Variants in MIA2 observed in about 807,000 individuals in gnomAD.
The protein encoded by MIA2 is MIA SH3 domain ER export factor 2.
A neutral mutation model predicts 167.8 loss-of-function variants in MIA2; 127 were observed. The ratio of observed to expected loss-of-function variants is 0.76; its 90% confidence interval spans 0.66 to 0.88. The LOEUF (loss-of-function observed/expected upper bound fraction) is 0.88. Ranked by LOEUF, MIA2 falls within the 40% of genes least tolerant of loss-of-function variation. MIA2 has a pLI of 0.00. For synonymous variants in MIA2, 552 were observed against 541.9 expected, an observed-to-expected ratio of 1.02 and a Z score of -0.26; for missense variants, 1,690 against 1,624.7, an observed-to-expected ratio of 1.04 and a Z score of -0.69.
chr14:39,292,625 T>G (rs919838594), intron 10 of MIA2: 1 of 271,828 alleles, frequency 3.7e-6, no homozygotes, highest in African/African-American at 2.3e-5. Flanking sequence ...TTTTTGCTTT[T>G]ATTTTGGCCT....
At chr14:39,334,373 GC>G (rs1385405376) in intron 25 of MIA2, among the ~76,000 whole-genome samples, 1 of 149,126 alleles carries the variant, frequency 6.7e-6, no homozygotes, top group Admixed American at 6.8e-5. Context: ...TACTCGGGAG[GC>G]TGAGGCAGGA....
In MIA2 at chr14:39,247,389, C is replaced by T. The variant is rs900829298; in HGVS notation, c.815C>T (p.Pro272Leu). ...NDLEELNNGE[P>L]QTEHQQESES... is the part of the protein sequence containing the mutation. ...CTAGAGGAATTAAATAATGGTGAGCCTCAAACAGAACATCAGCAAGAATCT... is the reference window on the plus strand; with the variant it reads ...CTAGAGGAATTAAATAATGGTGAGCTTCAAACAGAACATCAGCAAGAATCT... The change falls in exon 4 of 29, where the codon CCT becomes CTT. Residue 272 changes from proline to leucine, a missense_variant. Pro to Leu is a moderately conservative substitution (Grantham distance 98, BLOSUM62 -3). Transcript: ENST00000640607. 6.8e-6 allele frequency: 11 copies of T among 1,613,890 alleles called. No individual in the cohort carries two copies. Among genetic ancestry groups the T allele is most frequent in the Non-Finnish European group, 9.3e-6 (11 of 1,180,000 alleles).
At chr14:39,236,647 C>T (rs1308584345) in intron 1 of MIA2, among the ~76,000 whole-genome samples, 1 of 152,152 alleles carries the variant, frequency 6.6e-6, no homozygotes, top group East Asian at 1.9e-4. Flanking sequence ...GATAAACAAA[C>T]TTGAGTGTAG....
intron 6 of MIA2, among the ~76,000 whole-genome samples, chr14:39,270,522 G>GT (rs1555353109): frequency 1.3e-5 from 2 of 151,408 alleles, no homozygotes; most frequent in African/African-American, 2.4e-5. Flanking sequence ...TGTTGTTGTT[G>GT]TTGTTTGTTT....
At chr14:39,342,977 C>T (rs1394495416) in intron 25 of MIA2, among the ~76,000 whole-genome samples, 2 of 152,052 alleles carry the variant, frequency 1.3e-5, no homozygotes, top group Admixed American at 6.5e-5. Context: ...GTATAAGAAA[C>T]CACAAAATGT....
chr14:39,346,195 A>G (rs1480918209), intron 26 of MIA2, among the ~76,000 whole-genome samples, 169 bp downstream of exon 26: 2 of 152,242 alleles, frequency 1.3e-5, no homozygotes, highest in African/African-American at 2.4e-5. Flanking sequence ...GTACACAGAC[A>G]TGGCATCCAA....
At chr14:39,269,196 T>G in intron 6 of MIA2, 1 of 423,410 alleles carries the variant, frequency 2.4e-6, no homozygotes, top group Non-Finnish European at 3.2e-6. Context: ...TGTATTGAGA[T>G]ATATTCACAC....
At chr14:39,312,067 A>G (rs113082486) in intron 18 of MIA2, among the ~76,000 whole-genome samples, 2,857 of 151,914 alleles carry the variant, frequency 0.019, 101 homozygotes, top group African/African-American at 0.066. Context: ...TGACCTCATG[A>G]TCTGCCCACC....
At chr14:39,325,794 A>C (rs1048709592) in intron 24 of MIA2, among the ~76,000 whole-genome samples, 6 of 150,264 alleles carry the variant, frequency 4.0e-5, no homozygotes, top group African/African-American at 1.5e-4. Flanking sequence ...GCTCACTGCA[A>C]CCTCCACCTC....
In MIA2 at chr14:39,350,202, G is replaced by C; in HGVS notation, c.4177G>C (p.Gly1393Arg). The C allele has an allele frequency of 6.6e-7, 1 of 1,513,610 alleles. No homozygotes were observed. The highest frequency in any genetic ancestry group is 8.9e-7 in the Non-Finnish European group (1 of 1,122,560). The allele number at this position is 1,513,610 out of a possible 1,614,324, so 93.8% of individuals were successfully genotyped here. ...TGAAGGTAGAAGTGAGTTCCCCTCA[G>C]GTTTGATTCCACCTTCAAATGAGCC... ...HSEGRSEFPS[G>R]LIPPSNEPAT... The change falls in exon 29 of 29, where the codon GGT (glycine) becomes CGT (arginine). Residue 1393 changes from glycine (G) to arginine (R), a missense_variant. Gly to Arg is a moderately radical substitution (Grantham distance 125, BLOSUM62 -2). Coordinates refer to ENST00000640607, the MANE Select transcript of MIA2 (RefSeq NM_001329214.4).
chr14:39,363,702 G>A (rs1398901036), intron 23 of MIA2, among the ~76,000 whole-genome samples: 2 of 152,096 alleles, frequency 1.3e-5, no homozygotes, highest in Non-Finnish European at 2.9e-5. Context: ...TCATTGTTGG[G>A]TACATATGTA....
intron 23 of MIA2, among the ~76,000 whole-genome samples, chr14:39,380,421 G>A (rs1273266642): frequency 6.6e-6 from 1 of 152,130 alleles, no homozygotes; most frequent in African/African-American, 2.4e-5. Context: ...ATGCTGGAGT[G>A]CTGTGGCTCA....
intron 25 of MIA2, among the ~76,000 whole-genome samples, chr14:39,337,110 A>C (rs1476235559): frequency 6.6e-6 from 1 of 152,204 alleles, no homozygotes; most frequent in Non-Finnish European, 1.5e-5. Context: ...TATATTATAT[A>C]GTGACATAAC....
chr14:39,323,989 A>T lies in MIA2; in HGVS notation c.3497-2875A>T, dbSNP rs564498753. ...AGTTTCTATGATCCACCAAAGGAGG[A>T]TGGAGAGTACCTGTTATTTTTCCTT... On this transcript the variant is annotated intron_variant, in intron 24 of 28. Coordinates refer to ENST00000640607, the MANE Select transcript of MIA2 (RefSeq NM_001329214.4). 3.9e-5 allele frequency among the ~76,000 whole-genome samples: 6 copies of T among 152,344 alleles called. No homozygotes were observed. In the South Asian group the frequency reaches 1.0e-3, roughly 26 times the overall value.
chr14:39,245,285 G>A lies in MIA2; in HGVS notation c.337-1626G>A, dbSNP rs1187334442. On this transcript the variant is annotated intron_variant, in intron 3 of 28. Coordinates refer to ENST00000640607, the MANE Select transcript of MIA2 (RefSeq NM_001329214.4). ...AAGGTTTTCATGCTTTAGAGCAGAGGTGTCCAATCTTTTGGTTTCCCTGGG... is the reference window on the plus strand; with the variant it reads ...AAGGTTTTCATGCTTTAGAGCAGAGATGTCCAATCTTTTGGTTTCCCTGGG... Among the ~76,000 whole-genome samples, 4 of 152,030 alleles carry A rather than the reference G, an allele frequency of 2.6e-5. 1 individual carries two copies. The highest frequency in any genetic ancestry group is 4.1e-4 in the South Asian group (2 of 4,832).
intron 2 of MIA2, among the ~76,000 whole-genome samples, chr14:39,237,573 A>G (rs901303967): frequency 6.6e-6 from 1 of 152,176 alleles, no homozygotes; most frequent in Non-Finnish European, 1.5e-5. Context: ...GCTTTTTGGG[A>G]AGGCAGTATG....
intron 3 of MIA2, among the ~76,000 whole-genome samples, chr14:39,241,823 A>C (rs1285684976): frequency 1.3e-5 from 2 of 152,208 alleles, no homozygotes; most frequent in African/African-American, 4.8e-5. Context: ...TCGCATTCCC[A>C]CATGATCTGC....
chr14:39,238,356 A>G (rs536412916), intron 2 of MIA2, among the ~76,000 whole-genome samples: 5 of 151,392 alleles, frequency 3.3e-5, no homozygotes, highest in Admixed American at 6.6e-5. Context: ...TATTTTTAGT[A>G]GTGACGGGGT....
intron 9 of MIA2, among the ~76,000 whole-genome samples, chr14:39,282,338 A>C (rs887147943): frequency 6.6e-6 from 1 of 152,214 alleles, no homozygotes; most frequent in Non-Finnish European, 1.5e-5. Context: ...TTTTTGTAAA[A>C]TAAGTTTTAT....
Sources: allele counts gnomAD v4.1 joint callset (sites outside exome capture counted in the v4.1 genomes callset), GRCh38; gene constraint gnomAD v4.1.1; transcripts MANE v1.5; gene names NCBI Gene and HGNC (gene_info 2026-07-23, HGNC 2026-07-21).